Variants in IPO11 observed in about 807,000 individuals in gnomAD.
The protein encoded by IPO11 is importin-11.
A neutral mutation model predicts 143.2 loss-of-function variants in IPO11; 66 were observed. That is an observed-to-expected ratio of 0.46 (90% CI 0.38 to 0.57). IPO11 has a LOEUF of 0.57. Ranked by LOEUF, IPO11 falls within the 20% of genes least tolerant of loss-of-function variation. The probability of loss-of-function intolerance (pLI) is 0.00; values close to 1 mark genes in which losing one functional copy is unlikely to be tolerated. For synonymous variants in IPO11, 385 were observed against 377.8 expected, an observed-to-expected ratio of 1.02 and a Z score of -0.22; for missense variants, 1,026 against 1,141.0, an observed-to-expected ratio of 0.90 and a Z score of 1.45.
chr5:62,500,774 A>G (rs1741320429), intron 16 of IPO11, among the ~76,000 whole-genome samples: 1 of 152,176 alleles, frequency 6.6e-6, no homozygotes, highest in Non-Finnish European at 1.5e-5. Context: ...CTGGGATTAT[A>G]GGTGTGAGCA....
chr5:62,417,576 C>T (rs566719190), intron 1 of IPO11, among the ~76,000 whole-genome samples: 2 of 152,170 alleles, frequency 1.3e-5, no homozygotes, highest in East Asian at 3.9e-4. Context: ...TTTTCTCTGA[C>T]CACTTTAGAT....
intron 27 of IPO11, among the ~76,000 whole-genome samples, chr5:62,570,345 TGAGG>T (rs1744095461): frequency 6.6e-6 from 1 of 152,204 alleles, no homozygotes; most frequent in African/African-American, 2.4e-5. Flanking sequence ...TGAAGTATTT[TGAGG>T]TGTTTCTATC....
At chr5:62,534,138 A>G (rs1165329206) in intron 22 of IPO11, among the ~76,000 whole-genome samples, 1 of 152,196 alleles carries the variant, frequency 6.6e-6, no homozygotes, top group East Asian at 1.9e-4. Flanking sequence ...AGAATCTGAT[A>G]AATTTTAAGC....
chr5:62,562,946 A>G (rs1338558692), intron 27 of IPO11, among the ~76,000 whole-genome samples: 2 of 152,164 alleles, frequency 1.3e-5, no homozygotes, highest in African/African-American at 2.4e-5. Flanking sequence ...AGAGCAAACA[A>G]TTACTTAAAA....
intron 5 of IPO11, among the ~76,000 whole-genome samples, chr5:62,465,976 A>G (rs116499354): frequency 2.4e-4 from 36 of 152,322 alleles, no homozygotes; most frequent in African/African-American, 7.9e-4. Context: ...CAGTAGTTTT[A>G]TATTCTGCGG....
At chr5:62,556,887 T>G (rs1743593640) in intron 26 of IPO11, among the ~76,000 whole-genome samples, 3 of 152,136 alleles carry the variant, frequency 2.0e-5, no homozygotes, top group African/African-American at 7.2e-5. Flanking sequence ...ACCCCCAGAT[T>G]CCTACTGTAA....
intron 12 of IPO11, among the ~76,000 whole-genome samples, chr5:62,486,841 A>G (rs1052112657): frequency 6.6e-6 from 1 of 152,146 alleles, no homozygotes; most frequent in Non-Finnish European, 1.5e-5. Flanking sequence ...ACTCATGGCT[A>G]CTTTAGCTTC....
intron 28 of IPO11, among the ~76,000 whole-genome samples, chr5:62,599,955 T>C (rs570642301): frequency 6.6e-6 from 1 of 152,334 alleles, no homozygotes; most frequent in Admixed American, 6.5e-5. Flanking sequence ...TTCTGTTATT[T>C]GTCTAGTTTT....
intron 22 of IPO11, among the ~76,000 whole-genome samples, chr5:62,531,822 A>G (rs999901962): frequency 6.6e-6 from 1 of 152,226 alleles, no homozygotes; most frequent in Non-Finnish European, 1.5e-5. Context: ...ATAACAATCA[A>G]GGTAACCATT....
chr5:62,593,197 T>C (rs1374238665), intron 28 of IPO11, among the ~76,000 whole-genome samples: 1 of 152,136 alleles, frequency 6.6e-6, no homozygotes, highest in Non-Finnish European at 1.5e-5. Context: ...AAAGGCACTA[T>C]ATGTTACAGT....
At chr5:62,464,468 G>A (rs377633895) in intron 5 of IPO11, among the ~76,000 whole-genome samples, 15 of 149,776 alleles carry the variant, frequency 1.0e-4, no homozygotes, top group African/African-American at 2.9e-4. Flanking sequence ...TGTTTTCTTC[G>A]TTTTTTTTTG....
chr5:62,555,616 G>C (rs1218660852), intron 26 of IPO11, among the ~76,000 whole-genome samples: 5 of 151,772 alleles, frequency 3.3e-5, no homozygotes, highest in African/African-American at 1.2e-4. Context: ...TCGTTCTCCT[G>C]CCTCAGCCTC....
chr5:62,572,545 G>GTTTA (rs57028103), intron 27 of IPO11, among the ~76,000 whole-genome samples: 16,996 of 85,448 alleles, frequency 0.2, 1,162 homozygotes, highest in Non-Finnish European at 0.27. Flanking sequence ...ATATTTGTTT[G>GTTTA]TTTATTTATT....
chr5:62,489,382 A>G (rs373896906), intron 14 of IPO11, 33 bp downstream of exon 14: 4 of 1,449,124 alleles, frequency 2.8e-6, no homozygotes, highest in Non-Finnish European at 3.8e-6. Flanking sequence ...AGAAGCATTT[A>G]TTTATTCAGT....
chr5:62,427,151 G>A (rs1197843853), intron 1 of IPO11, among the ~76,000 whole-genome samples: 1 of 151,568 alleles, frequency 6.6e-6, no homozygotes, highest in African/African-American at 2.4e-5. Context: ...CATTGACCAG[G>A]CTGGTCTCGA....
chr5:62,527,733 T>C (rs193148595), intron 21 of IPO11, among the ~76,000 whole-genome samples: 1 of 152,328 alleles, frequency 6.6e-6, no homozygotes, highest in African/African-American at 2.4e-5. Context: ...TTTAGTTACA[T>C]GCTAATAAAA....
Position 62,451,875 on chromosome 5 carries a change from A to C in IPO11, c.458A>C (p.His153Pro). 1 of 1,614,106 alleles carries C rather than the reference A, an allele frequency of 6.2e-7. No homozygotes were observed. The highest frequency in any genetic ancestry group is 8.5e-7 in the Non-Finnish European group (1 of 1,179,950). The change falls in exon 5 of 30, where the codon CAT (histidine) becomes CCT (proline). Residue 153 changes from histidine (H) to proline (P), a missense_variant. By Grantham distance (77) the His-to-Pro change is moderately conservative (BLOSUM62 -2). Transcript: ENST00000325324. ...CACAGAGCATTACTTACCTTCTATCATGTTACCAAGACACTGGCATCTAAA... is the reference window on the plus strand; with the variant it reads ...CACAGAGCATTACTTACCTTCTATCCTGTTACCAAGACACTGGCATCTAAA... ...RQHRALLTFY[H>P]VTKTLASKRL... is the part of the protein sequence containing the mutation.
At chr5:62,470,145 T>A in intron 6 of IPO11, 105 bp from the exon 7 acceptor site, 1 of 1,085,208 alleles carries the variant, frequency 9.2e-7, no homozygotes, top group Non-Finnish European at 1.4e-6. Flanking sequence ...CCAACCCAGA[T>A]TAACCTCCAA....
At chr5:62,596,583 C>T (rs1745229594) in intron 28 of IPO11, among the ~76,000 whole-genome samples, 1 of 152,092 alleles carries the variant, frequency 6.6e-6, no homozygotes. Flanking sequence ...TAAAATTTGG[C>T]TTTTATAAGG....
Sources: gnomAD v4.1 joint callset for allele counts (sites outside exome capture counted in the v4.1 genomes callset) on GRCh38, gnomAD v4.1.1 for gene constraint, MANE v1.5 for transcripts, NCBI Gene and HGNC (gene_info 2026-07-23, HGNC 2026-07-21) for gene names.